SVIL: variants seen among roughly 807,000 people sequenced by gnomAD.
SVIL encodes the protein archvillin.
Under a neutral mutation model 240.4 loss-of-function variants are expected in SVIL, and 101 were observed. The observed-to-expected ratio is 0.42, with a 90% CI of 0.36 to 0.50. The LOEUF is 0.50. Among genes scored for constraint, SVIL ranks in the 20% least tolerant of loss-of-function variants. The pLI, the probability that SVIL is intolerant of heterozygous loss-of-function variation, is 0.01. For synonymous variants in SVIL, 999 were observed against 1,100.0 expected (o/e 0.91, Z 1.82); for missense variants, 2,512 against 2,818.7 (o/e 0.89, Z 2.46).
intron 2 of SVIL, among the ~76,000 whole-genome samples, chr10:29,673,377 A>G (rs1012581542): frequency 4.0e-5 from 6 of 151,744 alleles, no homozygotes; most frequent in African/African-American, 1.5e-4. Context: ...TTTTTTAATC[A>G]CTGACTTAAG....
Position 29,533,066 on chromosome 10 carries a change from C to G in SVIL, c.1301G>C (p.Gly434Ala), listed in dbSNP as rs757246613. The change falls in exon 8 of 38, where the codon GGA becomes GCA. Residue 434 changes from glycine to alanine, a missense_variant. Around this residue, in one of 3 missense-constraint regions of SVIL, gnomAD observed 1,443 missense variants for 1,486.6 expected, o/e 0.97. Coordinates refer to ENST00000355867, the MANE Select transcript of SVIL (RefSeq NM_021738.3). The stretch of plus-strand genomic sequence containing the variant: ...ATCTTCTTCTTTTTCTTCTCCTTCT[C>G]CTTCCCCTTCTTCTTCTTCTGCTTT... ...ESKAEEEEGE[G>A]EGEEKEEDVC... 6.2e-7 allele frequency: 1 copy of G among 1,614,012 alleles called. No individual in the cohort carries two copies. Among genetic ancestry groups the G allele is most frequent in the African/African-American group, 1.3e-5 (1 of 75,032 alleles).
At chr10:29,543,604 C>G (rs373454200) in intron 6 of SVIL, among the ~76,000 whole-genome samples, 1 of 151,968 alleles carries the variant, frequency 6.6e-6, no homozygotes, top group Non-Finnish European at 1.5e-5. Flanking sequence ...ACCATTGTTC[C>G]GGGTACACGT....
chr10:29,606,483 G>A (rs1957027079), intron 1 of SVIL, among the ~76,000 whole-genome samples: 1 of 151,994 alleles, frequency 6.6e-6, no homozygotes, highest in South Asian at 2.1e-4. Context: ...CTCTCTCTCT[G>A]ACTCTGTCTC....
At chr10:29,623,723 G>A (rs1051479946) in intron 1 of SVIL, among the ~76,000 whole-genome samples, 5 of 152,102 alleles carry the variant, frequency 3.3e-5, no homozygotes, top group South Asian at 2.1e-4. Flanking sequence ...ATGGTGGCAC[G>A]CGCCTGTAGT....
At chr10:29,559,561 T>TAGTAGTAATAGTAATAGTAATAGTAGTAC in intron 3 of SVIL, among the ~76,000 whole-genome samples, 1 of 152,236 alleles carries the variant, frequency 6.6e-6, no homozygotes, top group East Asian at 1.9e-4. Flanking sequence ...GTAATAGTAG[T>TAGTAGTAATAGTAATAGTAATAGTAGTAC]TATTATGTAA....
At chr10:29,579,907 G>C (rs74946618) in intron 1 of SVIL, among the ~76,000 whole-genome samples, 3 of 152,000 alleles carry the variant, frequency 2.0e-5, no homozygotes, top group Non-Finnish European at 4.4e-5. Context: ...CAAGGCTGAG[G>C]GTCCTGGAGT....
intron 1 of SVIL, among the ~76,000 whole-genome samples, chr10:29,702,621 C>T (rs947277110): frequency 6.6e-6 from 1 of 152,176 alleles, no homozygotes; most frequent in East Asian, 1.9e-4. Flanking sequence ...AGGTTCTGTC[C>T]TTTGGAAACC....
At chr10:29,606,808 G>A (rs187885368) in intron 1 of SVIL, among the ~76,000 whole-genome samples, 151 of 152,274 alleles carry the variant, frequency 9.9e-4, no homozygotes, top group African/African-American at 3.5e-3. Context: ...AGGCTGGAGT[G>A]CAGTGGCAGG....
At chr10:29,733,730 G>A (rs1202492330) in intron 1 of SVIL, among the ~76,000 whole-genome samples, 1 of 152,240 alleles carries the variant, frequency 6.6e-6, no homozygotes, top group Non-Finnish European at 1.5e-5. Context: ...TTCCAGGCTT[G>A]CCCTCATCAG....
intron 1 of SVIL, among the ~76,000 whole-genome samples, chr10:29,601,405 T>C (rs1223179469): frequency 6.6e-6 from 1 of 152,268 alleles, no homozygotes; most frequent in Non-Finnish European, 1.5e-5. Context: ...ATGCATTCTT[T>C]CTTTAAAAGT....
chr10:29,623,980 G>T (rs1957767242), intron 1 of SVIL, among the ~76,000 whole-genome samples: 1 of 152,168 alleles, frequency 6.6e-6, no homozygotes, highest in South Asian at 2.1e-4. Flanking sequence ...ACTCCATGAT[G>T]GTTGCAGAAT....
At chr10:29,494,816 C>G in intron 20 of SVIL, 98 bp downstream of exon 20, 1 of 1,229,906 alleles carries the variant, frequency 8.1e-7, no homozygotes, top group Non-Finnish European at 1.2e-6. Context: ...TCTAATCAGT[C>G]TTGACCAAAA....
chr10:29,471,009 C>T lies in SVIL; in HGVS notation c.5635+129G>A, dbSNP rs1945512768. The T allele has an allele frequency of 7.1e-6, 6 of 843,198 alleles. No homozygotes were observed. In the East Asian group the frequency reaches 1.6e-4, roughly 23 times the overall value. 52.2% of individuals were successfully genotyped at this position (843,198 alleles called of 1,614,324 possible). ...CCATAGAGCTGAGTTATCAGGCAAACATCAGGAGGCTTTCAGAGGTCGAGC... is the reference window on the plus strand; with the variant it reads ...CCATAGAGCTGAGTTATCAGGCAAATATCAGGAGGCTTTCAGAGGTCGAGC... On this transcript the variant is annotated intron_variant, in intron 31 of 37. Coordinates refer to ENST00000355867, the MANE Select transcript of SVIL (RefSeq NM_021738.3).
rs1056479494 is a variant in SVIL, at chr10:29,705,310, T to C, written c.-399-18659A>G. On this transcript the variant is annotated intron_variant, in intron 1 of 35. Coordinates refer to the SVIL transcript ENST00000375400. The stretch of plus-strand genomic sequence containing the variant: ...CAAAAGATATCCACATTCTAATTCC[T>C]GGAAACTGTGAATATTACCTGACAC... 3.3e-5 allele frequency among the ~76,000 whole-genome samples: 5 copies of C among 152,244 alleles called. No individual in the cohort carries two copies. In the South Asian group the frequency reaches 6.2e-4, roughly 19 times the overall value.
intron 2 of SVIL, among the ~76,000 whole-genome samples, chr10:29,675,909 A>C (rs1255786942): frequency 6.6e-6 from 1 of 152,104 alleles, no homozygotes; most frequent in Non-Finnish European, 1.5e-5. Context: ...AGAAAGTTAC[A>C]TTTGTCTTAT....
chr10:29,613,036 G>A (rs1165341188), intron 1 of SVIL, among the ~76,000 whole-genome samples: 1 of 152,110 alleles, frequency 6.6e-6, no homozygotes, highest in Non-Finnish European at 1.5e-5. Flanking sequence ...AACTAGCTGG[G>A]TGTGGTGGCA....
At chr10:29,570,675 T>A (rs1955360283) in intron 1 of SVIL, among the ~76,000 whole-genome samples, 1 of 152,222 alleles carries the variant, frequency 6.6e-6, no homozygotes, top group South Asian at 2.1e-4. Context: ...GTGCAGCACA[T>A]CTAGCATTTG....
chr10:29,586,628 A>G (rs1956177158), intron 1 of SVIL, among the ~76,000 whole-genome samples: 1 of 152,178 alleles, frequency 6.6e-6, no homozygotes. Context: ...ATAAAACATA[A>G]ACAAGATTCT....
chr10:29,540,643 T>A (rs1952077303), intron 6 of SVIL, among the ~76,000 whole-genome samples: 1 of 152,124 alleles, frequency 6.6e-6, no homozygotes, highest in Non-Finnish European at 1.5e-5. Context: ...TTCCTTGGCT[T>A]GAATGGGTAA....
Sources: allele counts gnomAD v4.1 joint callset (sites outside exome capture counted in the v4.1 genomes callset), GRCh38; gene constraint gnomAD v4.1.1; regional missense constraint gnomAD v4.1.1; transcripts MANE v1.5; gene names NCBI Gene and HGNC (gene_info 2026-07-23, HGNC 2026-07-21).